Variants in CDC42BPB observed in about 807,000 individuals in gnomAD.
CDC42BPB encodes the protein CDC42 binding protein kinase beta.
In CDC42BPB, 37 loss-of-function variants were observed where a neutral mutation model predicts 214.9. That is an observed-to-expected ratio of 0.17 (90% CI 0.13 to 0.23). The LOEUF (loss-of-function observed/expected upper bound fraction) is 0.23. Among genes scored for constraint, CDC42BPB ranks in the 10% least tolerant of loss-of-function variants. The pLI is 1.00. For synonymous variants in CDC42BPB, 931 were observed against 884.0 expected (o/e 1.05, Z -0.94); for missense variants, 1,694 against 2,227.0 (o/e 0.76, Z 4.82).
intron 24 of CDC42BPB, 131 bp from the exon 25 acceptor site, chr14:102,950,733 A>C (rs1051360312): frequency 7.4e-7 from 1 of 1,359,956 alleles, no homozygotes. Context: ...TCGGAGGCCG[A>C]GGTGGGCAGA....
Position 102,981,035 on chromosome 14 carries a change from C to G in CDC42BPB, c.892-14G>C, listed in dbSNP as rs1431719856. 3 of 1,613,634 alleles carry G rather than the reference C, an allele frequency of 1.9e-6. No homozygotes were observed. The highest frequency in any genetic ancestry group is 3.3e-5 in the Admixed American group (2 of 59,958). On this transcript the variant is annotated splice_polypyrimidine_tract_variant and intron_variant, in intron 7 of 36. Transcript: ENST00000361246. ...CTGGAATCGCTCCTGCAAGGGGTGG[C>G]AAAAACACCGGTGGACAGGTGGACG...
chr14:103,004,874 GA>G lies in CDC42BPB; in HGVS notation c.352-852del, dbSNP rs943165271. ...ACAGAGCCAGACTCCATCTCAAAAA[GA>G]AAAAAAAAATGGCTGGTCACGGTGG... is the stretch of plus-strand genomic sequence containing the variant. On this transcript the variant is annotated intron_variant, in intron 3 of 36. Transcript: ENST00000361246. The surrounding 1 kb of genome is among the most constrained non-coding windows in gnomAD (Gnocchi z 5.3). 6.8e-5 allele frequency among the ~76,000 whole-genome samples: 10 copies of G among 146,338 alleles called. No individual in the cohort carries two copies. Among genetic ancestry groups the G allele is most frequent in the African/African-American group, 2.5e-4 (10 of 39,840 alleles).
chr14:103,003,964 G>T lies in CDC42BPB; in HGVS notation c.411C>A (p.Thr137=), dbSNP rs753890144. ...CGTCCTGAAAGGCGTAGTGCAGCGC[G>T]GTGATCCACTGGCAGTCGCCGTTCA... ...VLVNGDCQWI[T]ALHYAFQDEN... is the part of the protein sequence containing the mutation. Residue 137 remains threonine (T), a synonymous_variant, in exon 4 of 37, where the codon ACC becomes ACA. Transcript: ENST00000361246. The T allele has an allele frequency of 6.2e-7, 1 of 1,611,936 alleles. No individual in the cohort carries two copies. Among genetic ancestry groups the T allele is most frequent in the East Asian group, 2.2e-5 (1 of 44,860 alleles).
intron 3 of CDC42BPB, among the ~76,000 whole-genome samples, chr14:103,006,224 C>T (rs973500694): frequency 3.3e-5 from 5 of 152,216 alleles, no homozygotes; most frequent in African/African-American, 7.2e-5. Context: ...CCTCAGTGTG[C>T]CTGACCTCCT....
rs1056622167 is a variant in CDC42BPB, at chr14:103,020,376, A to G, written c.176-8188T>C. On this transcript the variant is annotated intron_variant, in intron 1 of 36. Coordinates refer to ENST00000361246, the MANE Select transcript of CDC42BPB (RefSeq NM_006035.4). ...GGTCCTCTCCTTGTAACCGCCAGCT[A>G]CCACTCCGTCCCTTCAAGAGATGGC... Among the ~76,000 whole-genome samples the G allele has an allele frequency of 9.2e-5, 14 of 152,250 alleles. 1 individual carries two copies. The South Asian group carries it at 1.0e-3, about 11-fold the overall frequency.
intron 26 of CDC42BPB, among the ~76,000 whole-genome samples, chr14:102,948,612 T>TG (rs1312008905): frequency 2.5e-5 from 1 of 39,338 alleles, no homozygotes; most frequent in Non-Finnish European, 4.7e-5. Flanking sequence ...GGTGCAGAGG[T>TG]GGGGGGGTGG....
At chr14:103,017,920 T>C (rs575532937) in intron 1 of CDC42BPB, among the ~76,000 whole-genome samples, 33 of 152,338 alleles carry the variant, frequency 2.2e-4, no homozygotes, top group African/African-American at 7.9e-4. Flanking sequence ...AGAATATCCC[T>C]GTCTGCAGGA....
At chr14:102,987,916 G>A (rs1894322182) in intron 5 of CDC42BPB, among the ~76,000 whole-genome samples, 1 of 151,690 alleles carries the variant, frequency 6.6e-6, no homozygotes, top group Admixed American at 6.6e-5. Context: ...AGAGGCTGTA[G>A]TGAGCTGTGA....
intron 8 of CDC42BPB, among the ~76,000 whole-genome samples, chr14:102,979,455 G>A (rs555807330): frequency 1.3e-5 from 2 of 152,110 alleles, no homozygotes; most frequent in South Asian, 4.2e-4. Context: ...CAGGTGATCC[G>A]CCCACCTCAG....
intron 11 of CDC42BPB, 59 bp downstream of exon 11, chr14:102,975,625 C>T: frequency 2.6e-6 from 4 of 1,544,586 alleles, no homozygotes; most frequent in Non-Finnish European, 3.6e-6. Flanking sequence ...CTGAAATTCC[C>T]TTTTAAGACA....
Position 103,057,057 on chromosome 14 carries a change from G to A in CDC42BPB, c.117C>T (p.Thr39=), listed in dbSNP as rs376739728. 1.5e-5 allele frequency: 23 copies of A among 1,521,186 alleles called. No individual in the cohort carries two copies. The highest frequency in any genetic ancestry group is 2.5e-5 in the South Asian group (2 of 81,432). The allele number at this position is 1,521,186 out of a possible 1,614,324, so 94.2% of individuals were successfully genotyped here. The change falls in exon 1 of 37, where the codon ACC becomes ACT. Residue 39 remains threonine (T), a synonymous_variant. Transcript: ENST00000361246. ...TLLDVLVCLY[T]ECSHSALRRD... ...GGCGCAGGGCCGAGTGGCTGCACTC[G>A]GTGTACAGGCAGACGAGCACGTCGA...
At chr14:102,986,704 T>C (rs1248729296) in intron 5 of CDC42BPB, 124 bp from the exon 6 acceptor site, 2 of 1,409,096 alleles carry the variant, frequency 1.4e-6, no homozygotes, top group South Asian at 1.6e-5. Flanking sequence ...GCTGTCACCA[T>C]CCAGTACAAA....
At chr14:103,024,352 G>C (rs1240000632) in intron 1 of CDC42BPB, among the ~76,000 whole-genome samples, 1 of 152,178 alleles carries the variant, frequency 6.6e-6, no homozygotes, top group Non-Finnish European at 1.5e-5. Context: ...TACACTTCTA[G>C]AAGACAGTGG....
rs1298587990 is a variant in CDC42BPB, at chr14:102,943,044, T to C, written c.4408+847A>G. Among the ~76,000 whole-genome samples the C allele has an allele frequency of 6.6e-6, 1 of 152,180 alleles. No individual in the cohort carries two copies. Among genetic ancestry groups the C allele is most frequent in the African/African-American group, 2.4e-5 (1 of 41,434 alleles). ...CCACCACGCCCGGCTAATTTTTTTT[T>C]GTATTTTTAGTAGAGATGGGGTTTC... On this transcript the variant is annotated intron_variant, in intron 30 of 36. Transcript: ENST00000361246. This position sits in a 1 kb window ranked among gnomAD's most constrained non-coding sequence, Gnocchi z 4.6.
chr14:103,054,946 C>G (rs1410697313), intron 1 of CDC42BPB, among the ~76,000 whole-genome samples: 1 of 152,258 alleles, frequency 6.6e-6, no homozygotes, highest in Middle Eastern at 3.2e-3. Flanking sequence ...TGCACAATGG[C>G]CCCCAGGGCC....
In CDC42BPB at chr14:102,950,079, C is replaced by T. The variant is rs933510707; in HGVS notation, c.3310-175G>A. 4 of 985,362 alleles carry T rather than the reference C, an allele frequency of 4.1e-6. No individual in the cohort carries two copies. In the African/African-American group the frequency reaches 5.2e-5, roughly 13 times the overall value. The allele number at this position is 985,362 out of a possible 1,614,324, so 61.0% of individuals were successfully genotyped here. A position where few individuals can be genotyped will look rare whatever the true frequency, so the allele number is the denominator to read the frequency against. ...TTGCTGGGGAGGGGTCCATGCGTGG[C>T]AGCAGACGGTGCCAGGGAAAGCTGG... On this transcript the variant is annotated intron_variant, in intron 25 of 36. Coordinates refer to ENST00000361246, the MANE Select transcript of CDC42BPB (RefSeq NM_006035.4).
At position 102,944,026 on chromosome 14, in the gene CDC42BPB, C is replaced by T. The variant is rs140245177; in HGVS notation, c.4273G>A (p.Asp1425Asn). The T allele has an allele frequency of 1.8e-5, 29 of 1,613,380 alleles. No individual in the cohort carries two copies. The highest frequency in any genetic ancestry group is 2.2e-5 in the Non-Finnish European group (26 of 1,180,028). Residue 1425 changes from aspartate (D) to asparagine (N), a missense_variant, in exon 30 of 37, where the codon GAT (aspartate) becomes AAT (asparagine). By Grantham distance (23) the Asp-to-Asn change is conservative (BLOSUM62 1). Transcript: ENST00000361246. The surrounding 1 kb of genome is among the most constrained non-coding windows in gnomAD (Gnocchi z 6.6). ...SLAFLSQQSF[D>N]ALCAVELESE... ...TCGAGCTCCACAGCACAAAGGGCAT[C>T]AAAAGACTGTTGTGAGAGGAACGCA...
At position 102,944,044 on chromosome 14, in the gene CDC42BPB, G is replaced by C; in HGVS notation, c.4255C>G (p.Leu1419Val). The C allele has an allele frequency of 6.2e-7, 1 of 1,613,600 alleles. No individual in the cohort carries two copies. The change falls in exon 30 of 37, where the codon CTC becomes GTC. Residue 1419 changes from leucine (L) to valine (V), a missense_variant. Physicochemically the swap from Leu to Val is conservative, Grantham distance 32. This residue lies in a region of CDC42BPB where 567 missense variants were observed against 790.3 expected (regional missense o/e 0.72). Transcript: ENST00000361246. This position sits in a 1 kb window ranked among gnomAD's most constrained non-coding sequence, Gnocchi z 6.6. ...AGGGCATCAAAAGACTGTTGTGAGAGGAACGCAAGCGAGGGGTCATTGGGA... is the reference window on the plus strand; with the variant it reads ...AGGGCATCAAAAGACTGTTGTGAGACGAACGCAAGCGAGGGGTCATTGGGA... ...VNPNDPSLAF[L>V]SQQSFDALCA...
chr14:103,027,416 G>A (rs1887113414), intron 1 of CDC42BPB, among the ~76,000 whole-genome samples: 1 of 152,172 alleles, frequency 6.6e-6, no homozygotes, highest in Non-Finnish European at 1.5e-5. Context: ...AAAAAAATTT[G>A]TACATGAATA....
Sources: allele counts gnomAD v4.1 joint callset (sites outside exome capture counted in the v4.1 genomes callset), GRCh38; gene constraint gnomAD v4.1.1; regional missense constraint gnomAD v4.1.1; non-coding constraint Gnocchi (gnomAD v3.1); transcripts MANE v1.5; gene names NCBI Gene and HGNC (gene_info 2026-07-23, HGNC 2026-07-21).